The following ZFPM2 variants were observed in gnomAD, a reference collection of about 807,000 sequenced individuals.
The protein encoded by ZFPM2 is zinc finger protein ZFPM2.
In ZFPM2, 20 loss-of-function variants were observed where a neutral mutation model predicts 98.6. The ratio of observed to expected loss-of-function variants is 0.20; its 90% confidence interval spans 0.14 to 0.29. The LOEUF is 0.29. Among genes scored for constraint, ZFPM2 ranks in the 10% least tolerant of loss-of-function variants. The probability of loss-of-function intolerance (pLI) is 1.00; values close to 1 mark genes in which losing one functional copy is unlikely to be tolerated. For missense variants in ZFPM2, 1,310 were observed against 1,388.6 expected (o/e 0.94, Z 0.90); for synonymous variants, 518 against 502.7 (o/e 1.03, Z -0.41).
intron 5 of ZFPM2, among the ~76,000 whole-genome samples, chr8:105,728,195 T>C (rs1269621308): frequency 6.6e-6 from 1 of 151,672 alleles, no homozygotes; most frequent in Non-Finnish European, 1.5e-5. Flanking sequence ...AGTTATGAGT[T>C]CTAGATTGAG....
At chr8:105,569,414 C>T (rs574838777) in intron 4 of ZFPM2, among the ~76,000 whole-genome samples, 1 of 152,306 alleles carries the variant, frequency 6.6e-6, no homozygotes, top group South Asian at 2.1e-4. Context: ...TGTGATCTTG[C>T]TTCATCTGCC....
intron 5 of ZFPM2, among the ~76,000 whole-genome samples, chr8:105,741,855 A>T (rs12542643): frequency 0.44 from 66,882 of 151,880 alleles, 15,838 homozygotes; most frequent in African/African-American, 0.62. Context: ...TGAACAAGAT[A>T]CAGGTTTTGC....
chr8:105,344,158 T>C (rs1286539859), intron 1 of ZFPM2, among the ~76,000 whole-genome samples: 4 of 152,136 alleles, frequency 2.6e-5, no homozygotes, highest in Non-Finnish European at 5.9e-5. Context: ...TCTCACTGTG[T>C]CTGGCCCACA....
intron 1 of ZFPM2, among the ~76,000 whole-genome samples, chr8:105,324,974 A>T (rs2130652502): frequency 6.6e-6 from 1 of 152,030 alleles, no homozygotes; most frequent in South Asian, 2.1e-4. Flanking sequence ...TTCACTAAAA[A>T]GTATGAGTGG....
chr8:105,408,238 C>G (rs1811503211), intron 1 of ZFPM2, among the ~76,000 whole-genome samples: 1 of 151,844 alleles, frequency 6.6e-6, no homozygotes, highest in Non-Finnish European at 1.5e-5. Flanking sequence ...TGTCGAGTGC[C>G]TCTGTGTCTT....
At chr8:105,632,192 C>T (rs561731681) in intron 4 of ZFPM2, among the ~76,000 whole-genome samples, 1 of 151,982 alleles carries the variant, frequency 6.6e-6, no homozygotes, top group Non-Finnish European at 1.5e-5. Context: ...TTGTTTGAGA[C>T]AGAGTCTAGC....
At chr8:105,538,861 A>G (rs1011096321) in intron 3 of ZFPM2, among the ~76,000 whole-genome samples, 1 of 152,108 alleles carries the variant, frequency 6.6e-6, no homozygotes, top group African/African-American at 2.4e-5. Context: ...AACATTAAAA[A>G]TAAATTAGCC....
intron 1 of ZFPM2, among the ~76,000 whole-genome samples, chr8:105,346,210 A>G (rs1483411765): frequency 6.6e-6 from 1 of 151,610 alleles, no homozygotes; most frequent in Non-Finnish European, 1.5e-5. Context: ...ACATGGAGAA[A>G]CCTCTTCCTA....
At chr8:105,390,063 G>A (rs1277307407) in intron 1 of ZFPM2, among the ~76,000 whole-genome samples, 3 of 152,104 alleles carry the variant, frequency 2.0e-5, no homozygotes, top group Non-Finnish European at 4.4e-5. Flanking sequence ...CTAGTCTCAT[G>A]TATTTTATCT....
intron 1 of ZFPM2, among the ~76,000 whole-genome samples, chr8:105,406,400 C>T (rs1319298125): frequency 6.6e-6 from 1 of 152,002 alleles, no homozygotes; most frequent in Non-Finnish European, 1.5e-5. Flanking sequence ...GCTGGGAAAA[C>T]TGGCTAGCCA....
At chr8:105,628,236 G>T (rs1255550725) in intron 4 of ZFPM2, among the ~76,000 whole-genome samples, 1 of 152,090 alleles carries the variant, frequency 6.6e-6, no homozygotes, top group Admixed American at 6.6e-5. Context: ...TAGAAAATGT[G>T]ACTCCAAAAA....
chr8:105,411,422 A>G (rs1811575472), intron 1 of ZFPM2, among the ~76,000 whole-genome samples: 1 of 151,806 alleles, frequency 6.6e-6, no homozygotes, highest in Non-Finnish European at 1.5e-5. Context: ...CGTTGTTGTT[A>G]TCTCAGTGCT....
intron 3 of ZFPM2, among the ~76,000 whole-genome samples, chr8:105,549,674 C>T (rs1813267800): frequency 6.6e-6 from 1 of 151,080 alleles, no homozygotes; most frequent in Non-Finnish European, 1.5e-5. Context: ...GGCAGTGGCA[C>T]AATAACCGTT....
At chr8:105,767,052 C>T (rs1454615944) in intron 5 of ZFPM2, among the ~76,000 whole-genome samples, 1 of 151,862 alleles carries the variant, frequency 6.6e-6, no homozygotes, top group African/African-American at 2.4e-5. Flanking sequence ...GAGTAACTAT[C>T]TACAGGAATT....
chr8:105,698,161 C>T (rs2130951745), intron 5 of ZFPM2, among the ~76,000 whole-genome samples: 1 of 152,254 alleles, frequency 6.6e-6, no homozygotes, highest in East Asian at 1.9e-4. Context: ...GTGCTAATTA[C>T]CTTTGAATAC....
At chr8:105,456,247 C>T (rs541030531) in intron 3 of ZFPM2, among the ~76,000 whole-genome samples, 2 of 146,290 alleles carry the variant, frequency 1.4e-5, no homozygotes, top group South Asian at 4.4e-4. Flanking sequence ...AGAATTTCCT[C>T]AAATTTAATG....
chr8:105,483,048 A>T (rs1350377706), intron 3 of ZFPM2, among the ~76,000 whole-genome samples: 1 of 63,790 alleles, frequency 1.6e-5, no homozygotes, highest in East Asian at 5.5e-4. Context: ...CTTTATTTTA[A>T]CAGGATCTTG....
chr8:105,602,256 G>A (rs1816107971), intron 4 of ZFPM2, among the ~76,000 whole-genome samples: 2 of 152,034 alleles, frequency 1.3e-5, no homozygotes, highest in African/African-American at 2.4e-5. Flanking sequence ...CACTACAATT[G>A]GTGACAATAT....
At chr8:105,393,345 T>TCTTTCTTTCTTTCTTTCTTTCTTC (rs1811151975) in intron 1 of ZFPM2, among the ~76,000 whole-genome samples, 1 of 74,184 alleles carries the variant, frequency 1.3e-5, no homozygotes, top group Non-Finnish European at 2.7e-5. Flanking sequence ...TGCCTTTCTT[T>TCTTTCTTTCTTTCTTTCTTTCTTC]CTTTCTTTCT....
Sources: allele counts gnomAD v4.1 joint callset (sites outside exome capture counted in the v4.1 genomes callset), GRCh38; gene constraint gnomAD v4.1.1; transcripts MANE v1.5; gene names NCBI Gene and HGNC (gene_info 2026-07-23, HGNC 2026-07-21).